OR3A2: variants seen among roughly 807,000 people sequenced by gnomAD.
OR3A2 encodes the protein olfactory receptor 3A2.
For missense variants in OR3A2, 318 were observed against 392.8 expected (o/e 0.81, Z 1.61); for synonymous variants, 126 against 159.3 (o/e 0.79, Z 1.57).
intron 3 of OR3A2, chr17:3,292,142 C>G (rs145783222): frequency 1.9e-6 from 3 of 1,614,038 alleles, no homozygotes; most frequent in Non-Finnish European, 2.5e-6. Context: ...ACGCAGCCAC[C>G]AACATCCTCT....
chr17:3,333,083 T>C (rs2049252289), intron 3 of OR3A2, among the ~76,000 whole-genome samples: 1 of 152,184 alleles, frequency 6.6e-6, no homozygotes, highest in African/African-American at 2.4e-5. Context: ...GTAGGAGAGA[T>C]ATTGCTAAAT....
chr17:3,382,504 G>A (rs986842781), intron 2 of OR3A2, among the ~76,000 whole-genome samples: 1 of 152,236 alleles, frequency 6.6e-6, no homozygotes, highest in South Asian at 2.1e-4. Context: ...AATCTCTGCA[G>A]AGAGTACTGA....
At chr17:3,314,031 C>T (rs148703926) in intron 3 of OR3A2, among the ~76,000 whole-genome samples, 22 of 152,286 alleles carry the variant, frequency 1.4e-4, no homozygotes, top group African/African-American at 5.3e-4. Context: ...GATAAATTTT[C>T]TTCTGATGAA....
chr17:3,338,765 GT>G (rs749110303), intron 2 of OR3A2, among the ~76,000 whole-genome samples: 3 of 152,054 alleles, frequency 2.0e-5, no homozygotes, highest in Non-Finnish European at 4.4e-5. Flanking sequence ...CTCTTTTTTG[GT>G]TCCATATGAA....
intron 2 of OR3A2, among the ~76,000 whole-genome samples, chr17:3,370,648 T>C (rs1470184644): frequency 2.8e-4 from 41 of 145,618 alleles, no homozygotes; most frequent in African/African-American, 4.0e-4. Flanking sequence ...TTTTTTTTAT[T>C]GTTCATTCTT....
intron 3 of OR3A2, among the ~76,000 whole-genome samples, chr17:3,318,238 G>A (rs992730): frequency 0.14 from 20,947 of 152,142 alleles, 1,776 homozygotes; most frequent in African/African-American, 0.24. Context: ...GGAATTTCCT[G>A]ACTGTCTTCT....
rs181809507 is a variant in OR3A2 at position 3,345,960 on chromosome 17, C to T, written c.-178-9834G>A. 3.2e-4 allele frequency among the ~76,000 whole-genome samples: 49 copies of T among 152,196 alleles called. No individual in the cohort carries two copies. In the East Asian group the frequency reaches 5.2e-3, roughly 16 times the overall value. On this transcript the variant is annotated intron_variant, in intron 2 of 4. Coordinates refer to the OR3A2 transcript ENST00000573491. ...CAAAGTGGGGATGGGGGAGAAGGGG[C>T]GTGTCAGTTTTCACATGCAAAGGAT...
intron 2 of OR3A2, among the ~76,000 whole-genome samples, chr17:3,352,299 T>C (rs142570816): frequency 1.4e-4 from 22 of 152,082 alleles, no homozygotes; most frequent in Non-Finnish European, 2.8e-4. Context: ...TGCCTCTGCT[T>C]GTGGAATATT....
At chr17:3,329,039 C>A (rs972912754) in intron 3 of OR3A2, among the ~76,000 whole-genome samples, 1 of 150,288 alleles carries the variant, frequency 6.7e-6, no homozygotes, top group African/African-American at 2.5e-5. Flanking sequence ...ATTGAACCAG[C>A]CTTGCATCCC....
chr17:3,279,160 C>T lies in OR3A2; in HGVS notation c.-6-237G>A. 3.1e-6 allele frequency: 2 copies of T among 647,108 alleles called. No individual in the cohort carries two copies. The highest frequency in any genetic ancestry group is 2.2e-5 in the South Asian group (1 of 45,756). The allele number at this position is 647,108 out of a possible 1,614,324, so 40.1% of individuals were successfully genotyped here. A position where few individuals can be genotyped will look rare whatever the true frequency, so the allele number is the denominator to read the frequency against. On this transcript the variant is annotated intron_variant, in intron 1 of 1. Transcript: ENST00000642052. ...GCTGAAAAGGTCAGAATACCTGGAACAACATGAGAACTATAGTTAATAAAG... is the reference window on the plus strand; with the variant it reads ...GCTGAAAAGGTCAGAATACCTGGAATAACATGAGAACTATAGTTAATAAAG...
intron 2 of OR3A2, among the ~76,000 whole-genome samples, chr17:3,345,485 G>A (rs2049355840): frequency 6.6e-6 from 1 of 151,788 alleles, no homozygotes; most frequent in Non-Finnish European, 1.5e-5. Flanking sequence ...ACAACACAGA[G>A]GGCAGAAGAA....
At chr17:3,303,964 A>AATATAT (rs199766708) in intron 3 of OR3A2, among the ~76,000 whole-genome samples, 3 of 117,898 alleles carry the variant, frequency 2.5e-5, no homozygotes, top group African/African-American at 1.1e-4. Flanking sequence ...TTTTGGTACT[A>AATATAT]ATATATATAT....
intron 3 of OR3A2, chr17:3,310,355 T>C: frequency 1.9e-6 from 1 of 534,758 alleles, no homozygotes; most frequent in South Asian, 1.4e-5. Flanking sequence ...TGACCAAGTT[T>C]GTCCTGCTGG....
At chr17:3,335,626 C>A (rs954568959) in intron 3 of OR3A2, among the ~76,000 whole-genome samples, 1 of 152,152 alleles carries the variant, frequency 6.6e-6, no homozygotes, top group Non-Finnish European at 1.5e-5. Context: ...CAATCACCCC[C>A]ACACATTTCC....
intron 2 of OR3A2, among the ~76,000 whole-genome samples, chr17:3,341,225 G>T (rs1333373861): frequency 6.6e-6 from 1 of 152,106 alleles, no homozygotes; most frequent in Non-Finnish European, 1.5e-5. Flanking sequence ...TATTCAATTT[G>T]CCAGTCTGTG....
intron 3 of OR3A2, among the ~76,000 whole-genome samples, chr17:3,306,383 T>A (rs78907479): frequency 0.01 from 1,531 of 151,750 alleles, 58 homozygotes; most frequent in Admixed American, 0.068. Flanking sequence ...CCTCAAGCAA[T>A]CCCCCCACTC....
At chr17:3,373,588 TTCTG>T (rs929055007) in intron 2 of OR3A2, among the ~76,000 whole-genome samples, 152 of 152,340 alleles carry the variant, frequency 1.0e-3, no homozygotes, top group African/African-American at 3.3e-3. Context: ...TTAAAGTCTG[TTCTG>T]TCTAATATAA....
chr17:3,281,649 G>A (rs991825192), intron 1 of OR3A2, among the ~76,000 whole-genome samples: 2 of 60,166 alleles, frequency 3.3e-5, no homozygotes, highest in Admixed American at 2.0e-4. Flanking sequence ...AGTTTTGTTT[G>A]TTTGTTTTGT....
At chr17:3,286,355 G>T (rs1178333234), upstream of OR3A2, among the ~76,000 whole-genome samples, 2 of 152,122 alleles carry the variant, frequency 1.3e-5, no homozygotes, top group South Asian at 4.1e-4. Context: ...TTGATATTGT[G>T]AACAGTGCTA....
Sources: gnomAD v4.1 joint callset for allele counts (sites outside exome capture counted in the v4.1 genomes callset) on GRCh38, gnomAD v4.1.1 for gene constraint, MANE v1.5 for transcripts, NCBI Gene and HGNC (gene_info 2026-07-23, HGNC 2026-07-21) for gene names.